RIN2: variants seen among roughly 807,000 people sequenced by gnomAD.
The protein encoded by RIN2 is Ras and Rab interactor 2.
Under a neutral mutation model 78.0 loss-of-function variants are expected in RIN2, and 36 were observed. The observed-to-expected ratio is 0.46, with a 90% CI of 0.35 to 0.61. The LOEUF (loss-of-function observed/expected upper bound fraction) is 0.61, where lower values mean the gene tolerates loss of function less well. RIN2 is among the 20% of genes least tolerant of loss of function. The pLI, the probability that RIN2 is intolerant of heterozygous loss-of-function variation, is 0.00. For missense variants in RIN2, 1,087 were observed against 1,159.7 expected, an observed-to-expected ratio of 0.94 and a Z score of 0.91; for synonymous variants, 466 against 466.8, an observed-to-expected ratio of 1.00 and a Z score of 0.02.
chr20:19,797,526 T>C (rs770764634), intron 1 of RIN2, among the ~76,000 whole-genome samples: 1 of 152,208 alleles, frequency 6.6e-6, no homozygotes, highest in Non-Finnish European at 1.5e-5. Flanking sequence ...CTCTGTGTGA[T>C]TTATGAAGCT....
chr20:19,788,803 C>T (rs1473756674), intron 1 of RIN2, among the ~76,000 whole-genome samples: 1 of 152,094 alleles, frequency 6.6e-6, no homozygotes, highest in African/African-American at 2.4e-5. Flanking sequence ...ATACCATGTT[C>T]ATGGATTGAG....
intron 1 of RIN2, among the ~76,000 whole-genome samples, chr20:19,762,665 C>T (rs181888631): frequency 3.2e-4 from 48 of 152,200 alleles, no homozygotes; most frequent in African/African-American, 1.2e-3. Flanking sequence ...TTAGCCAAGC[C>T]GTGGAGTTCA....
At chr20:19,950,884 C>A (rs6112678) in intron 4 of RIN2, among the ~76,000 whole-genome samples, 4 of 116,504 alleles carry the variant, frequency 3.4e-5, no homozygotes, top group African/African-American at 9.2e-5. Context: ...CCTGGCTAAC[C>A]TTTTTTTTTT....
chr20:19,761,302 A>G (rs1231555233), intron 1 of RIN2, among the ~76,000 whole-genome samples: 2 of 152,248 alleles, frequency 1.3e-5, no homozygotes, highest in Admixed American at 6.5e-5. Context: ...GTGTATGTAC[A>G]GAGCAGGATT....
chr20:19,832,865 T>C (rs138237063), intron 2 of RIN2, among the ~76,000 whole-genome samples: 19 of 152,182 alleles, frequency 1.2e-4, no homozygotes, highest in African/African-American at 3.9e-4. Flanking sequence ...TAAGGGCAGG[T>C]CCCTCATGGC....
chr20:19,900,672 T>C (rs6046438), intron 3 of RIN2, among the ~76,000 whole-genome samples: 77,907 of 150,140 alleles, frequency 0.52, 20,945 homozygotes, highest in African/African-American at 0.69. Context: ...AAAATTAGGC[T>C]GGGTGTGGTG....
At position 19,975,116 on chromosome 20, in the gene RIN2, A is replaced by T. The variant is rs1204961449; in HGVS notation, c.1091A>T (p.Gln364Leu). Residue 364 changes from glutamine (Q) to leucine (L), a missense_variant, in exon 9 of 13, where the codon CAG becomes CTG. Around this residue, in one of 8 missense-constraint regions of RIN2, gnomAD observed 706 missense variants for 667.5 expected, o/e 1.06. Transcript: ENST00000255006. The surrounding 1 kb of genome is among the most constrained non-coding windows in gnomAD (Gnocchi z 4.9). Reference protein sequence around the residue: ...TPIPPPRLKKQASFLEAEGGA... With the variant: ...TPIPPPRLKKLASFLEAEGGA... ...ATCCCTCCACCCCGGCTGAAGAAGC[A>T]GGCTTCTTTTCTGGAAGCAGAGGGC... 1.2e-6 allele frequency: 2 copies of T among 1,613,284 alleles called. No homozygotes were observed. Among genetic ancestry groups the T allele is most frequent in the Non-Finnish European group, 1.7e-6 (2 of 1,179,874 alleles).
At chr20:19,764,318 G>C (rs1035266160) in intron 1 of RIN2, among the ~76,000 whole-genome samples, 3 of 152,028 alleles carry the variant, frequency 2.0e-5, no homozygotes, top group African/African-American at 7.2e-5. Flanking sequence ...GCAGACATCT[G>C]TCCTGTGTGG....
intron 1 of RIN2, among the ~76,000 whole-genome samples, chr20:19,767,173 C>T (rs975204523): frequency 1.3e-5 from 2 of 152,198 alleles, no homozygotes; most frequent in Admixed American, 1.3e-4. Flanking sequence ...CAAATATGGA[C>T]AGCCGTGTAG....
chr20:19,871,928 T>C (rs546017302), intron 2 of RIN2: 1 of 152,268 alleles, frequency 6.6e-6, no homozygotes, highest in East Asian at 1.9e-4. Flanking sequence ...AGTTAGATCA[T>C]TATGGGGGCA....
intron 3 of RIN2, among the ~76,000 whole-genome samples, chr20:19,908,425 A>G (rs2039313672): frequency 6.6e-6 from 1 of 151,024 alleles, no homozygotes; most frequent in Non-Finnish European, 1.5e-5. Flanking sequence ...CGGGAGGCGG[A>G]GCGTGCATTG....
intron 2 of RIN2, chr20:19,823,884 A>G: frequency 1.2e-6 from 2 of 1,601,660 alleles, no homozygotes; most frequent in Middle Eastern, 2.3e-4. Flanking sequence ...CACCGACTTC[A>G]CCTCCGGTGC....
At chr20:19,991,037 G>A (rs2042783498) in intron 10 of RIN2, among the ~76,000 whole-genome samples, 1 of 152,128 alleles carries the variant, frequency 6.6e-6, no homozygotes, top group South Asian at 2.1e-4. Flanking sequence ...CATTGTCCCA[G>A]GTCTTCAGTA....
chr20:19,937,152 T>C (rs2040678816), intron 4 of RIN2, among the ~76,000 whole-genome samples: 1 of 152,228 alleles, frequency 6.6e-6, no homozygotes, highest in African/African-American at 2.4e-5. Context: ...AGTTTGGTTT[T>C]AATTTCTCCA....
chr20:19,880,743 C>T (rs528603629), intron 2 of RIN2, among the ~76,000 whole-genome samples: 11 of 152,218 alleles, frequency 7.2e-5, no homozygotes, highest in African/African-American at 2.6e-4. Context: ...CTTACTCATT[C>T]GGCAAACATT....
chr20:19,798,746 A>G lies in RIN2; in HGVS notation c.-162-876A>G, dbSNP rs138815124. Among the ~76,000 whole-genome samples, 20 of 152,294 alleles carry G rather than the reference A, an allele frequency of 1.3e-4. 1 individual carries two copies. The East Asian group carries it at 3.9e-3, about 29-fold the overall frequency. On this transcript the variant is annotated intron_variant, in intron 1 of 12. Coordinates refer to ENST00000255006, the MANE Select transcript of RIN2 (RefSeq NM_018993.4). ...AAAAATGCCCACTTCTGCCAAGAAT[A>G]TAGGAGTTAATGGTGATGGTCAAAG...
At position 19,974,894 on chromosome 20, in the gene RIN2, G is replaced by C. The variant is rs766615196; in HGVS notation, c.869G>C (p.Arg290Pro). 6.2e-7 allele frequency: 1 copy of C among 1,613,946 alleles called. No individual in the cohort carries two copies. The highest frequency in any genetic ancestry group is 8.5e-7 in the Non-Finnish European group (1 of 1,179,880). ...HSQDLSGGLK[R>P]PSTRTPNANG... The stretch of plus-strand genomic sequence containing the variant: ...CAGGACCTCAGTGGAGGCCTGAAAC[G>C]GCCGAGCACAAGGACTCCCAACGCG... Residue 290 changes from arginine (R) to proline (P), a missense_variant, in exon 9 of 13, where the codon CGG becomes CCG. By Grantham distance (103) the Arg-to-Pro change is moderately radical. Transcript: ENST00000255006.
intron 12 of RIN2, among the ~76,000 whole-genome samples, chr20:19,998,998 G>T (rs565390936): frequency 6.6e-6 from 1 of 152,286 alleles, no homozygotes; most frequent in South Asian, 2.1e-4. Context: ...CACCTTGGAG[G>T]TGCATGCCTT....
intron 12 of RIN2, among the ~76,000 whole-genome samples, chr20:19,997,320 C>T (rs1327533532): frequency 2.6e-5 from 4 of 152,226 alleles, no homozygotes. Flanking sequence ...CCGTCCACGG[C>T]GCAGAGTGAC....
Sources: allele counts gnomAD v4.1 joint callset (sites outside exome capture counted in the v4.1 genomes callset), GRCh38; gene constraint gnomAD v4.1.1; regional missense constraint gnomAD v4.1.1; non-coding constraint Gnocchi (gnomAD v3.1); transcripts MANE v1.5; gene names NCBI Gene and HGNC (gene_info 2026-07-23, HGNC 2026-07-21).